The following RABGAP1 variants were observed in gnomAD, a reference collection of about 807,000 sequenced individuals.
RABGAP1 encodes rab GTPase-activating protein 1.
Under a neutral mutation model 137.6 loss-of-function variants are expected in RABGAP1, and 23 were observed. The observed-to-expected ratio is 0.17, with a 90% CI of 0.12 to 0.24. RABGAP1 has a LOEUF of 0.24. Ranked by LOEUF, RABGAP1 falls within the 10% of genes least tolerant of loss-of-function variation. RABGAP1 has a pLI of 1.00. For missense variants in RABGAP1, 906 were observed against 1,275.8 expected (o/e 0.71, Z 4.42); for synonymous variants, 451 against 450.7 (o/e 1.00, Z -0.01).
intron 19 of RABGAP1, among the ~76,000 whole-genome samples, chr9:123,079,213 GTTT>G (rs1273936900): frequency 2.8e-5 from 4 of 141,254 alleles, no homozygotes; most frequent in African/African-American, 1.1e-4. Flanking sequence ...GTTGTTGTTT[GTTT>G]TTTTGTTTTT....
chr9:123,014,098 A>G (rs1410809774), intron 11 of RABGAP1, among the ~76,000 whole-genome samples: 1 of 152,198 alleles, frequency 6.6e-6, no homozygotes, highest in African/African-American at 2.4e-5. Flanking sequence ...AAGCAATGAG[A>G]TATATTCATC....
chr9:123,008,419 C>T, intron 10 of RABGAP1, among the ~76,000 whole-genome samples: 1 of 151,888 alleles, frequency 6.6e-6, no homozygotes, highest in East Asian at 1.9e-4. Context: ...GTGGCGGGCT[C>T]CTGTAATCCC....
rs374008040 is a variant in RABGAP1 at position 123,098,824 on chromosome 9, G to A, written c.2817+26G>A. ...GTAGGTTCCAGTACCCTGGGATTGG[G>A]CTGTGTAATCTGGGAGCCCCTAGTC... On this transcript the variant is annotated intron_variant, in intron 23 of 25. Coordinates refer to ENST00000373647, the MANE Select transcript of RABGAP1 (RefSeq NM_012197.4). 1.5e-4 allele frequency: 233 copies of A among 1,583,498 alleles called. 1 individual carries two copies. The African/African-American group carries it at 2.6e-3, about 18-fold the overall frequency.
the RABGAP1 span, among the ~76,000 whole-genome samples, chr9:122,935,034 A>G: frequency 1.2e-4 from 19 of 152,154 alleles, no homozygotes; most frequent in South Asian, 3.5e-3. Context: ...TCACTTCTCT[A>G]TTTGTGTTTT....
intron 13 of RABGAP1, among the ~76,000 whole-genome samples, chr9:123,059,246 A>C (rs982111941): frequency 6.6e-6 from 1 of 152,164 alleles, no homozygotes; most frequent in Admixed American, 6.5e-5. Flanking sequence ...ATGTCCCCCC[A>C]AAATTCATAT....
At chr9:122,965,985 C>T (rs895325398) in intron 2 of RABGAP1, among the ~76,000 whole-genome samples, 5 of 152,004 alleles carry the variant, frequency 3.3e-5, no homozygotes, top group Non-Finnish European at 7.4e-5. Flanking sequence ...TAGATTTTGG[C>T]CTGAGCTGTT....
intron 13 of RABGAP1, among the ~76,000 whole-genome samples, chr9:123,054,987 C>T (rs1368455660): frequency 6.6e-6 from 1 of 152,152 alleles, no homozygotes; most frequent in Non-Finnish European, 1.5e-5. Flanking sequence ...TTTTCTCCAC[C>T]ATGTCATACT....
intron 1 of RABGAP1, among the ~76,000 whole-genome samples, chr9:122,943,943 A>C (rs1833774305): frequency 6.6e-6 from 1 of 150,842 alleles, no homozygotes; most frequent in Non-Finnish European, 1.5e-5. Context: ...ACAGAGTGAG[A>C]CTCCGTCTCA....
intron 19 of RABGAP1, 50 bp downstream of exon 19, chr9:123,076,812 A>C: frequency 2.2e-6 from 3 of 1,369,734 alleles, no homozygotes; most frequent in Non-Finnish European, 2.9e-6. Flanking sequence ...TTAGTGTCTC[A>C]CTATTCCTGA....
rs2035399906 is a variant in RABGAP1, at chr9:123,103,437, A to G, written c.*224A>G. On this transcript the variant is annotated 3_prime_UTR_variant, in exon 26 of 26. Transcript: ENST00000373647. ...TGCTAGCTCAGCCGACGCTCTGGAC[A>G]CTCTAGAAATCACTCCTCAGTGTGA... The G allele has an allele frequency of 8.0e-6, 4 of 499,382 alleles. No homozygotes were observed. Among genetic ancestry groups the G allele is most frequent in the Non-Finnish European group, 1.0e-5 (3 of 299,562 alleles). 30.9% of individuals were successfully genotyped at this position (499,382 alleles called of 1,614,324 possible). A position where few individuals can be genotyped will look rare whatever the true frequency, so the allele number is the denominator to read the frequency against.
chr9:123,079,137 C>G (rs1307025060), intron 19 of RABGAP1, among the ~76,000 whole-genome samples: 1 of 151,872 alleles, frequency 6.6e-6, no homozygotes, highest in Non-Finnish European at 1.5e-5. Flanking sequence ...ATTTGCCTCA[C>G]TGTGCTACAG....
At chr9:123,040,351 A>G (rs28493936) in intron 13 of RABGAP1, among the ~76,000 whole-genome samples, 16,568 of 152,124 alleles carry the variant, frequency 0.11, 2,914 homozygotes, top group African/African-American at 0.37. Flanking sequence ...CTATTAGCAG[A>G]TATTTATGGG....
At chr9:123,034,274 C>G (rs958839066) in intron 13 of RABGAP1, 1 of 439,830 alleles carries the variant, frequency 2.3e-6, no homozygotes, top group Non-Finnish European at 4.0e-6. Flanking sequence ...GACGTTCTCC[C>G]CAGAGTTTAC....
At chr9:123,025,470 C>CAT (rs2031897786) in intron 13 of RABGAP1, among the ~76,000 whole-genome samples, 1 of 148,834 alleles carries the variant, frequency 6.7e-6, no homozygotes. Flanking sequence ...ATTTAATTTA[C>CAT]ATACCAGTTG....
At chr9:122,937,465 C>T (rs778689641), upstream of RABGAP1, among the ~76,000 whole-genome samples, 1 of 151,774 alleles carries the variant, frequency 6.6e-6, no homozygotes, top group Non-Finnish European at 1.5e-5. Context: ...GGCATGGTGG[C>T]GTACGCCTGT....
At chr9:122,950,198 T>G (rs183382061) in intron 1 of RABGAP1, among the ~76,000 whole-genome samples, 21 of 152,132 alleles carry the variant, frequency 1.4e-4, no homozygotes, top group Admixed American at 1.0e-3. Flanking sequence ...AATGAAACAC[T>G]TGTTATAGCC....
Position 123,097,480 on chromosome 9 carries a change from G to A in RABGAP1, c.2629-261G>A, listed in dbSNP as rs574830378. ...TCAATGACTTGTCCAAGTGGCACATGGTCAGTGAACAATGGGCGATGAGTC... is the reference window on the plus strand; with the variant it reads ...TCAATGACTTGTCCAAGTGGCACATAGTCAGTGAACAATGGGCGATGAGTC... On this transcript the variant is annotated intron_variant, in intron 21 of 25. Transcript: ENST00000373647. 2.6e-5 allele frequency among the ~76,000 whole-genome samples: 4 copies of A among 152,324 alleles called. No individual in the cohort carries two copies. In the South Asian group the frequency reaches 8.3e-4, roughly 32 times the overall value.
chr9:123,057,119 T>C (rs1338196209), intron 13 of RABGAP1, among the ~76,000 whole-genome samples: 3 of 143,802 alleles, frequency 2.1e-5, no homozygotes, highest in Non-Finnish European at 4.5e-5. Flanking sequence ...CCCCCCCACC[T>C]CCCTCCCGGA....
chr9:122,989,664 T>TTA, intron 5 of RABGAP1, 193 bp downstream of exon 5: 1 of 633,368 alleles, frequency 1.6e-6, no homozygotes, highest in East Asian at 2.8e-5. Flanking sequence ...TTGTTACTAC[T>TTA]ACTAAGAATG....
Sources: gnomAD v4.1 joint callset for allele counts (sites outside exome capture counted in the v4.1 genomes callset) on GRCh38, gnomAD v4.1.1 for gene constraint, MANE v1.5 for transcripts, NCBI Gene and HGNC (gene_info 2026-07-23, HGNC 2026-07-21) for gene names.